The following AASDH variants were observed in gnomAD, a reference collection of about 807,000 sequenced individuals.
The protein encoded by AASDH is beta-alanine-activating enzyme.
In AASDH, 81 loss-of-function variants were observed where a neutral mutation model predicts 102.3. The ratio of observed to expected loss-of-function variants is 0.79; its 90% CI spans 0.66 to 0.95. The LOEUF is 0.95. Ranked by LOEUF, AASDH falls within the 40% of genes least tolerant of loss-of-function variation. AASDH has a pLI of 0.00. For missense variants in AASDH, 1,203 were observed against 1,266.2 expected (o/e 0.95, Z 0.76); for synonymous variants, 398 against 454.0 (o/e 0.88, Z 1.57).
At chr4:56,343,003 C>T in intron 13 of AASDH, 37 bp from the exon 14 acceptor site, 12 of 1,517,906 alleles carry the variant, frequency 7.9e-6, no homozygotes, top group Non-Finnish European at 9.7e-6. Flanking sequence ...CATTTTATGT[C>T]ATCCTACTAA....
intron 5 of AASDH, among the ~76,000 whole-genome samples, chr4:56,365,391 T>A (rs544596531): frequency 1.3e-5 from 2 of 151,422 alleles, no homozygotes; most frequent in Non-Finnish European, 2.9e-5. Context: ...TACAGAACTC[T>A]CTACCCCAAA....
rs751659097 is a variant in AASDH at position 56,355,195 on chromosome 4, TAA to T, written c.1088_1089del (p.Leu363GlnfsTer7). The T allele has an allele frequency of 6.2e-7, 1 of 1,613,784 alleles. No homozygotes were observed. The highest frequency in any genetic ancestry group is 1.1e-5 in the South Asian group (1 of 91,068). On this transcript the variant is annotated frameshift_variant, in exon 6 of 15. Transcript: ENST00000205214. LOFTEE classifies it high-confidence loss of function. ...GAAAACCCTTACTTGAGAGTAGAGT[TAA>T]GAGTCTTCTCTGGAATCCTATAAAT... ...ATIYRIPEKTLNSTLKCELPV... is the reference protein window; with the variant it reads ...ATIYRIPEKTXNSTLKCELPV...
intron 14 of AASDH, among the ~76,000 whole-genome samples, chr4:56,341,697 A>G (rs1426463195): frequency 1.3e-5 from 2 of 151,644 alleles, no homozygotes; most frequent in African/African-American, 4.8e-5. Flanking sequence ...CATGATGCCC[A>G]GCCATTGGAG....
chr4:56,370,136 A>G (rs930579744), intron 5 of AASDH, among the ~76,000 whole-genome samples: 6 of 152,028 alleles, frequency 3.9e-5, no homozygotes, highest in Non-Finnish European at 8.8e-5. Flanking sequence ...AGGCTGAGGC[A>G]GAAGGATCCC....
At chr4:56,385,853 C>T (rs986019501) in intron 1 of AASDH, among the ~76,000 whole-genome samples, 6 of 152,166 alleles carry the variant, frequency 3.9e-5, no homozygotes, top group Admixed American at 6.5e-5. Flanking sequence ...AAGTGATCCA[C>T]CTACCTTGGC....
chr4:56,350,275 T>C (rs1238887619), intron 10 of AASDH, among the ~76,000 whole-genome samples: 2 of 152,054 alleles, frequency 1.3e-5, no homozygotes, highest in Non-Finnish European at 2.9e-5. Context: ...GCCAACACAG[T>C]GAAACCCCAC....
intron 10 of AASDH, among the ~76,000 whole-genome samples, chr4:56,350,449 A>G (rs1180183187): frequency 6.6e-6 from 1 of 152,084 alleles, no homozygotes; most frequent in African/African-American, 2.4e-5. Flanking sequence ...GTGAATCTCC[A>G]TCTCAAAAAT....
chr4:56,355,593 G>GTTTTTTTTTTTTTTTTTTTTT (rs149149581), intron 5 of AASDH, among the ~76,000 whole-genome samples, 170 bp from the exon 6 acceptor site: 4 of 91,878 alleles, frequency 4.4e-5, no homozygotes, highest in African/African-American at 8.4e-5. Flanking sequence ...TTATCTTCTT[G>GTTTTTTTTTTTTTTTTTTTTT]TTTTTTTTTT....
In AASDH at chr4:56,384,344, G is replaced by A. The variant is rs1413028039; in HGVS notation, c.-42-3C>T. ...ACATCAATTTGTAGCACAGAACCCTGTGTATATACAGAAGTGTTAGGGGGA... is the reference window on the plus strand; with the variant it reads ...ACATCAATTTGTAGCACAGAACCCTATGTATATACAGAAGTGTTAGGGGGA... On this transcript the variant is annotated splice_region_variant and splice_polypyrimidine_tract_variant and intron_variant, in intron 1 of 14. Transcript: ENST00000205214. 1.3e-6 allele frequency: 2 copies of A among 1,566,212 alleles called. No individual in the cohort carries two copies. The highest frequency in any genetic ancestry group is 2.2e-5 in the South Asian group (2 of 90,010).
chr4:56,353,345 G>C (rs1475966446), intron 9 of AASDH, 59 bp downstream of exon 9: 1 of 1,335,320 alleles, frequency 7.5e-7, no homozygotes, highest in Non-Finnish European at 1.0e-6. Context: ...CATTAAGCTA[G>C]TTATGAATAC....
rs368847075 is a variant in AASDH at position 56,339,396 on chromosome 4, C to T, written c.2908-605G>A. ...TCCTGACCTCGTGATCCGCCCACCT[C>T]GGCCTCCCAAAGTGCAGAGATTACA... On this transcript the variant is annotated intron_variant, in intron 14 of 14. Coordinates refer to ENST00000205214, the MANE Select transcript of AASDH (RefSeq NM_181806.4). 1.4e-3 allele frequency among the ~76,000 whole-genome samples: 207 copies of T among 152,174 alleles called. 2 individuals carry two copies. Among genetic ancestry groups the T allele is most frequent in the Middle Eastern group, 6.8e-3 (2 of 294 alleles).
chr4:56,381,679 T>C (rs1752978130), intron 3 of AASDH: 1 of 66,764 alleles, frequency 1.5e-5, no homozygotes, highest in Non-Finnish European at 3.2e-5. Context: ...ACACACACAG[T>C]TGGGGGGGGT....
intron 3 of AASDH, chr4:56,381,659 A>T (rs956652386): frequency 4.6e-5 from 7 of 151,774 alleles, no homozygotes; most frequent in Non-Finnish European, 8.8e-5. Flanking sequence ...TCACACACAC[A>T]CACACACACA....
intron 4 of AASDH, among the ~76,000 whole-genome samples, chr4:56,374,121 T>G (rs1168569554): frequency 1.3e-5 from 2 of 152,134 alleles, no homozygotes; most frequent in African/African-American, 2.4e-5. Context: ...GGCTCACGCT[T>G]GTAATCCCAG....
rs180742176 is a variant in AASDH, at chr4:56,356,833, C to T, written c.862-1410G>A. On this transcript the variant is annotated intron_variant, in intron 5 of 14. Coordinates refer to ENST00000205214, the MANE Select transcript of AASDH (RefSeq NM_181806.4). ...CAATGACAGATACGATGAGATCCAC[C>T]GTCACTGGGGCGGCAATGTCCTGGC... The T allele has an allele frequency of 1.4e-3, 1,147 of 820,954 alleles. 4 individuals carry two copies. Among genetic ancestry groups the T allele is most frequent in the South Asian group, 2.0e-3 (150 of 75,622 alleles). The allele number at this position is 820,954 out of a possible 1,614,324, so 50.9% of individuals were successfully genotyped here.
At chr4:56,344,805 C>G (rs932226996) in intron 12 of AASDH, among the ~76,000 whole-genome samples, 1 of 152,110 alleles carries the variant, frequency 6.6e-6, no homozygotes, top group Non-Finnish European at 1.5e-5. Context: ...TCTTCCCAGA[C>G]CACACAAGCT....
At chr4:56,360,288 C>T (rs557040982) in intron 5 of AASDH, among the ~76,000 whole-genome samples, 1 of 152,170 alleles carries the variant, frequency 6.6e-6, no homozygotes, top group Non-Finnish European at 1.5e-5. Flanking sequence ...TATGCTTATC[C>T]CACCACCACT....
At chr4:56,356,661 G>A (rs955622483) in intron 5 of AASDH, 2 of 687,098 alleles carry the variant, frequency 2.9e-6, no homozygotes, top group African/African-American at 1.8e-5. Flanking sequence ...GTCATAAAAT[G>A]GGGGTCCCTT....
At chr4:56,345,530 C>T (rs897898993) in intron 11 of AASDH, among the ~76,000 whole-genome samples, 4 of 152,136 alleles carry the variant, frequency 2.6e-5, no homozygotes, top group Admixed American at 2.6e-4. Flanking sequence ...TTTTTACATA[C>T]TTATTTTTAA....
Sources: gnomAD v4.1 joint callset for allele counts (sites outside exome capture counted in the v4.1 genomes callset) on GRCh38, gnomAD v4.1.1 for gene constraint, MANE v1.5 for transcripts, NCBI Gene and HGNC (gene_info 2026-07-23, HGNC 2026-07-21) for gene names.